CYRIA: variants seen among roughly 807,000 people sequenced by gnomAD.
The protein encoded by CYRIA is CYFIP-related Rac1 interactor A.
A neutral mutation model predicts 43.9 loss-of-function variants in CYRIA; 15 were observed. The ratio of observed to expected loss-of-function variants is 0.34; its 90% confidence interval spans 0.23 to 0.53. CYRIA has a LOEUF of 0.53. CYRIA is among the 20% of genes least tolerant of loss of function. CYRIA has a pLI of 0.94. For missense variants in CYRIA, 236 were observed against 394.2 expected (o/e 0.60, Z 3.40); for synonymous variants, 117 against 136.0 (o/e 0.86, Z 0.97).
intron 9 of CYRIA, chr2:16,560,570 CAG>C (rs141972462): frequency 1.2e-3 from 221 of 181,526 alleles, no homozygotes; most frequent in South Asian, 2.8e-3. Context: ...CAAAAAGAGA[CAG>C]AGAGAGAGAG....
intron 3 of CYRIA, among the ~76,000 whole-genome samples, chr2:16,568,371 T>C (rs1480415983): frequency 1.3e-5 from 2 of 152,182 alleles, no homozygotes; most frequent in South Asian, 2.1e-4. Flanking sequence ...TTCTCAGATA[T>C]GATGTTACTC....
chr2:16,610,910 A>ATATG (rs1243818522), intron 2 of CYRIA, among the ~76,000 whole-genome samples: 2 of 59,992 alleles, frequency 3.3e-5, no homozygotes, highest in Non-Finnish European at 5.9e-5. Context: ...ATATATATAT[A>ATATG]TATATATATA....
At chr2:16,607,896 C>T (rs915279855) in intron 2 of CYRIA, among the ~76,000 whole-genome samples, 1 of 152,188 alleles carries the variant, frequency 6.6e-6, no homozygotes, top group African/African-American at 2.4e-5. Context: ...AGTGCCCGGT[C>T]CTTGCCTCTG....
chr2:16,636,680 G>T (rs1669506605), intron 1 of CYRIA, among the ~76,000 whole-genome samples: 3 of 151,936 alleles, frequency 2.0e-5, no homozygotes, highest in Admixed American at 1.3e-4. Context: ...GGACAAGCTG[G>T]TTACAATCCA....
At chr2:16,574,641 G>A (rs775765776) in intron 3 of CYRIA, among the ~76,000 whole-genome samples, 4 of 152,202 alleles carry the variant, frequency 2.6e-5, no homozygotes, top group Non-Finnish European at 4.4e-5. Flanking sequence ...AGGTACCAAG[G>A]TACAGTTCAG....
rs139935009 is a variant in CYRIA at position 16,657,917 on chromosome 2, A to G, written c.-167+7863T>C. 1.3e-3 allele frequency among the ~76,000 whole-genome samples: 199 copies of G among 152,198 alleles called. 1 individual carries two copies. Among genetic ancestry groups the G allele is most frequent in the Non-Finnish European group, 2.5e-3 (170 of 68,000 alleles). Reference sequence around the variant, plus strand: ...AAATGCATGATGAAATAAACTTCCCATTTTCAGAGCTTTTTGGATTTTGGA... The same window carrying G: ...AAATGCATGATGAAATAAACTTCCCGTTTTCAGAGCTTTTTGGATTTTGGA... On this transcript the variant is annotated intron_variant, in intron 1 of 11. Transcript: ENST00000381323.
intron 2 of CYRIA, among the ~76,000 whole-genome samples, chr2:16,593,181 TA>T (rs1488789451): frequency 6.6e-6 from 1 of 152,204 alleles, no homozygotes; most frequent in Non-Finnish European, 1.5e-5. Context: ...GGGAATCCAA[TA>T]AATGGATTAA....
At chr2:16,562,479 G>T (rs774556098) in intron 5 of CYRIA, among the ~76,000 whole-genome samples, 7 of 152,148 alleles carry the variant, frequency 4.6e-5, no homozygotes, top group Non-Finnish European at 8.8e-5. Flanking sequence ...AGCCATTCAT[G>T]ATTCAGGATG....
chr2:16,586,130 G>A (rs1195166913), intron 3 of CYRIA, among the ~76,000 whole-genome samples: 3 of 152,014 alleles, frequency 2.0e-5, no homozygotes, highest in Admixed American at 6.6e-5. Context: ...GGAATTTAGG[G>A]TTTCCAAAAC....
chr2:16,652,559 C>T (rs1670004497), intron 1 of CYRIA, among the ~76,000 whole-genome samples: 1 of 152,230 alleles, frequency 6.6e-6, no homozygotes, highest in South Asian at 2.1e-4. Flanking sequence ...AGGTTCTTTT[C>T]CTTCTGGAAA....
chr2:16,560,734 T>C, intron 9 of CYRIA: 1 of 517,178 alleles, frequency 1.9e-6, no homozygotes, highest in Non-Finnish European at 3.5e-6. Context: ...ATCTGTGATC[T>C]GAGCCTTGGT....
chr2:16,615,481 G>A (rs1195274316), intron 2 of CYRIA, among the ~76,000 whole-genome samples: 5 of 152,166 alleles, frequency 3.3e-5, no homozygotes, highest in Admixed American at 6.5e-5. Context: ...ACTGCAGGCT[G>A]GGCTTTGTAC....
chr2:16,626,389 C>A (rs1049328674), intron 1 of CYRIA, among the ~76,000 whole-genome samples: 1 of 152,150 alleles, frequency 6.6e-6, no homozygotes, highest in South Asian at 2.1e-4. Flanking sequence ...GTGCCACCAA[C>A]TTGGCTCTGA....
At position 16,636,694 on chromosome 2, in the gene CYRIA, G is replaced by T. The variant is rs1483450446; in HGVS notation, c.-166-12675C>A. ...CGGACAAGCTGGTTACAATCCATCT[G>T]GGACCTAGGGCCACAGGTTGGAAGT... On this transcript the variant is annotated intron_variant, in intron 1 of 11. Coordinates refer to ENST00000381323, the MANE Select transcript of CYRIA (RefSeq NM_030797.4). Among the ~76,000 whole-genome samples, 7 of 152,076 alleles carry T rather than the reference G, an allele frequency of 4.6e-5. No homozygotes were observed. The East Asian group carries it at 1.4e-3, about 29-fold the overall frequency.
At chr2:16,664,490 A>T (rs1670340390) in intron 1 of CYRIA, among the ~76,000 whole-genome samples, 1 of 152,200 alleles carries the variant, frequency 6.6e-6, no homozygotes, top group South Asian at 2.1e-4. Context: ...CAGGAAAAAC[A>T]GCCCCTGCTC....
chr2:16,572,734 C>T (rs1667182387), intron 3 of CYRIA, among the ~76,000 whole-genome samples: 1 of 152,162 alleles, frequency 6.6e-6, no homozygotes, highest in Non-Finnish European at 1.5e-5. Flanking sequence ...CCAGCCCCCA[C>T]CACATCCATT....
intron 1 of CYRIA, among the ~76,000 whole-genome samples, chr2:16,639,131 G>C (rs1231529195): frequency 6.6e-6 from 1 of 152,196 alleles, no homozygotes; most frequent in East Asian, 1.9e-4. Context: ...AGCTGTCGCT[G>C]TTACTGTCTG....
At chr2:16,585,929 A>G (rs542723260) in intron 3 of CYRIA, among the ~76,000 whole-genome samples, 1 of 152,246 alleles carries the variant, frequency 6.6e-6, no homozygotes, top group African/African-American at 2.4e-5. Flanking sequence ...TGGATCAATA[A>G]TACTGCATTT....
intron 11 of CYRIA, 131 bp from the exon 12 acceptor site, chr2:16,553,130 TCA>T (rs2103396235): frequency 1.5e-6 from 1 of 665,468 alleles, no homozygotes; most frequent in South Asian, 1.7e-5. Flanking sequence ...ACTTCAATGC[TCA>T]CAGTCATCTC....
Sources: gnomAD v4.1 joint callset for allele counts (sites outside exome capture counted in the v4.1 genomes callset) on GRCh38, gnomAD v4.1.1 for gene constraint, MANE v1.5 for transcripts, NCBI Gene and HGNC (gene_info 2026-07-23, HGNC 2026-07-21) for gene names.